The following MGST1 variants were observed in gnomAD, a reference collection of about 807,000 sequenced individuals.
The protein encoded by MGST1 is glutathione S-transferase 12.
Under a neutral mutation model 8.9 loss-of-function variants are expected in MGST1, and 5 were observed. The observed-to-expected ratio is 0.56, with a 90% confidence interval of 0.29 to 1.19. The LOEUF (loss-of-function observed/expected upper bound fraction) is 1.19. MGST1 is among the 50% of genes most tolerant of loss of function. The pLI is 0.08. For synonymous variants in MGST1, 54 were observed against 67.8 expected, an observed-to-expected ratio of 0.80 and a Z score of 1.00; for missense variants, 182 against 187.4, an observed-to-expected ratio of 0.97 and a Z score of 0.17.
At chr12:16,574,687 A>C (rs937852138) in intron 4 of MGST1, among the ~76,000 whole-genome samples, 4 of 152,222 alleles carry the variant, frequency 2.6e-5, no homozygotes, top group Admixed American at 6.5e-5. Flanking sequence ...AGACACATAA[A>C]GAAGAAAAAT....
At chr12:16,527,864 C>T (rs372957189) in intron 4 of MGST1, among the ~76,000 whole-genome samples, 7 of 152,084 alleles carry the variant, frequency 4.6e-5, no homozygotes, top group Non-Finnish European at 7.4e-5. Flanking sequence ...TCAGCGCATA[C>T]GCCCCCTTAT....
At chr12:16,470,208 G>T (rs1195736911) in intron 4 of MGST1, among the ~76,000 whole-genome samples, 4 of 152,158 alleles carry the variant, frequency 2.6e-5, no homozygotes, top group Middle Eastern at 3.2e-3. Context: ...TCCAGTCATT[G>T]CTAGAGTTAT....
chr12:16,457,725 G>A (rs530156340), intron 4 of MGST1, among the ~76,000 whole-genome samples: 1 of 152,016 alleles, frequency 6.6e-6, no homozygotes, highest in South Asian at 2.1e-4. Context: ...TCCTTATCAA[G>A]GAAGTAATCT....
intron 1 of MGST1, chr12:16,399,915 A>G: frequency 7.8e-7 from 1 of 1,277,236 alleles, no homozygotes; most frequent in South Asian, 1.2e-5. Flanking sequence ...GCTCTACTTC[A>G]TCCAATGTCA....
intron 4 of MGST1, among the ~76,000 whole-genome samples, chr12:16,554,040 A>T (rs971163627): frequency 6.6e-6 from 1 of 152,146 alleles, no homozygotes; most frequent in Non-Finnish European, 1.5e-5. Context: ...TATGGTAAGG[A>T]ATAAGAAGAT....
chr12:16,510,350 G>A (rs1941568894), intron 4 of MGST1, among the ~76,000 whole-genome samples: 1 of 152,122 alleles, frequency 6.6e-6, no homozygotes, highest in Non-Finnish European at 1.5e-5. Flanking sequence ...AAAGAAAGGA[G>A]GAAAGAAATA....
intron 1 of MGST1, among the ~76,000 whole-genome samples, chr12:16,424,373 A>G (rs1160366220): frequency 2.6e-5 from 4 of 152,328 alleles, no homozygotes; most frequent in African/African-American, 9.6e-5. Flanking sequence ...TCTCTCATGC[A>G]TCACTTTACA....
At chr12:16,574,160 G>A (rs1265802418) in intron 4 of MGST1, among the ~76,000 whole-genome samples, 6 of 152,052 alleles carry the variant, frequency 3.9e-5, no homozygotes, top group Non-Finnish European at 7.4e-5. Context: ...AAGACCCAGA[G>A]TAAGTTAGAG....
Position 16,586,345 on chromosome 12 carries a change from G to A in MGST1, n.483-3183G>A, listed in dbSNP as rs936760017. Among the ~76,000 whole-genome samples the A allele has an allele frequency of 2.0e-5, 3 of 152,092 alleles. No homozygotes were observed. The highest frequency in any genetic ancestry group is 7.2e-5 in the African/African-American group (3 of 41,412). On this transcript the variant is annotated intron_variant and non_coding_transcript_variant, in intron 4 of 4. Coordinates refer to the MGST1 transcript ENST00000538857. The surrounding 1 kb of genome is among the most constrained non-coding windows in gnomAD (Gnocchi z 4.3). The stretch of plus-strand genomic sequence containing the variant: ...AACAACTAAGAAACAACTAAAACAC[G>A]TGCATGAATGGAGAACCACTGCATG...
At chr12:16,526,222 G>T (rs1236642662) in intron 4 of MGST1, among the ~76,000 whole-genome samples, 1 of 151,656 alleles carries the variant, frequency 6.6e-6, no homozygotes, top group East Asian at 1.9e-4. Context: ...CCTTGCCCAT[G>T]CCTATGTCCT....
At chr12:16,540,916 A>G (rs1053266872) in intron 4 of MGST1, among the ~76,000 whole-genome samples, 5 of 152,232 alleles carry the variant, frequency 3.3e-5, no homozygotes, top group Non-Finnish European at 7.3e-5. Context: ...TCTCAAAAAC[A>G]TAAAAATAAA....
chr12:16,457,343 TGTC>T (rs1941182408), intron 4 of MGST1, among the ~76,000 whole-genome samples: 2 of 152,058 alleles, frequency 1.3e-5, no homozygotes, highest in South Asian at 2.1e-4. Context: ...TGCTCTAAAT[TGTC>T]GTATTAATTC....
At chr12:16,474,434 G>A (rs534482747) in intron 4 of MGST1, among the ~76,000 whole-genome samples, 1 of 152,244 alleles carries the variant, frequency 6.6e-6, no homozygotes, top group South Asian at 2.1e-4. Flanking sequence ...TGTGCTTATT[G>A]GATTTCATTC....
chr12:16,575,058 G>C (rs1942950378), intron 4 of MGST1, among the ~76,000 whole-genome samples: 1 of 150,364 alleles, frequency 6.7e-6, no homozygotes, highest in South Asian at 2.1e-4. Flanking sequence ...GTTTTCGTTT[G>C]TTTATTTTTA....
chr12:16,561,077 A>C (rs1303977945), intron 4 of MGST1, among the ~76,000 whole-genome samples: 1 of 152,124 alleles, frequency 6.6e-6, no homozygotes, highest in Non-Finnish European at 1.5e-5. Context: ...TATAGCTATG[A>C]TTATGTTATT....
rs981929863 is a variant in MGST1 at position 16,537,567 on chromosome 12, C to T, written n.483-51961C>T. On this transcript the variant is annotated intron_variant and non_coding_transcript_variant, in intron 4 of 4. Coordinates refer to the MGST1 transcript ENST00000538857. The surrounding 1 kb of genome is among the most constrained non-coding windows in gnomAD (Gnocchi z 4.6). ...ATGAGGGCCCTGCCTCTGCAGCACA[C>T]TTTTGCCTGGACATTCAGGCATTTC... Among the ~76,000 whole-genome samples the T allele has an allele frequency of 6.6e-6, 1 of 152,250 alleles. No individual in the cohort carries two copies. Among genetic ancestry groups the T allele is most frequent in the Non-Finnish European group, 1.5e-5 (1 of 68,050 alleles).
chr12:16,427,799 T>A (rs898284625), intron 1 of MGST1, among the ~76,000 whole-genome samples: 1 of 152,214 alleles, frequency 6.6e-6, no homozygotes, highest in African/African-American at 2.4e-5. Context: ...TTTTACATTT[T>A]AAAAAACTTA....
chr12:16,443,254 T>C (rs1435424839), downstream of MGST1, among the ~76,000 whole-genome samples: 1 of 151,840 alleles, frequency 6.6e-6, no homozygotes, highest in Non-Finnish European at 1.5e-5. Context: ...GTTTAAAGTA[T>C]GTTTTTTGAA....
At chr12:16,563,970 G>A (rs533600666) in intron 4 of MGST1, among the ~76,000 whole-genome samples, 2 of 152,212 alleles carry the variant, frequency 1.3e-5, no homozygotes, top group Non-Finnish European at 2.9e-5. Flanking sequence ...TAGGCCTTAA[G>A]CAATATGACC....
Sources: gnomAD v4.1 joint callset for allele counts (sites outside exome capture counted in the v4.1 genomes callset) on GRCh38, gnomAD v4.1.1 for gene constraint, Gnocchi (gnomAD v3.1) non-coding constraint, MANE v1.5 for transcripts, NCBI Gene and HGNC (gene_info 2026-07-23, HGNC 2026-07-21) for gene names.